LIPC: variants seen among roughly 807,000 people sequenced by gnomAD.
LIPC encodes the protein lipase C, hepatic type.
In LIPC, 44 loss-of-function variants were observed where a neutral mutation model predicts 50.7. The observed-to-expected ratio is 0.87, with a 90% CI of 0.68 to 1.11. The LOEUF (loss-of-function observed/expected upper bound fraction) is 1.11. Among genes scored for constraint, LIPC ranks in the 50% most tolerant of loss-of-function variants. The pLI is 0.00. For missense variants in LIPC, 697 were observed against 648.2 expected (o/e 1.08, Z -0.82); for synonymous variants, 271 against 256.4 (o/e 1.06, Z -0.54).
intron 1 of LIPC, among the ~76,000 whole-genome samples, chr15:58,447,491 A>G (rs1893740688): frequency 6.6e-6 from 1 of 152,204 alleles, no homozygotes; most frequent in African/African-American, 2.4e-5. Flanking sequence ...TTTCTGTGGA[A>G]CCAGAAAACC....
At chr15:58,543,043 C>A (rs1008810527) in intron 4 of LIPC, among the ~76,000 whole-genome samples, 7 of 152,172 alleles carry the variant, frequency 4.6e-5, no homozygotes, top group Non-Finnish European at 1.0e-4. Context: ...ACGTTAGTGC[C>A]TCCGTTTCCA....
At chr15:58,541,650 C>T in intron 2 of LIPC, 135 bp from the exon 3 acceptor site, 1 of 904,074 alleles carries the variant, frequency 1.1e-6, no homozygotes. Flanking sequence ...TTCTCTGGCC[C>T]AAAATGTCAA....
chr15:58,452,670 A>G (rs1288472580), intron 1 of LIPC, among the ~76,000 whole-genome samples: 1 of 142,740 alleles, frequency 7.0e-6, no homozygotes, highest in Non-Finnish European at 1.5e-5. Context: ...TGGGGAGGGG[A>G]TAGGATAGTT....
intron 1 of LIPC, among the ~76,000 whole-genome samples, chr15:58,535,485 A>G (rs1323413862): frequency 6.6e-6 from 1 of 152,210 alleles, no homozygotes; most frequent in African/African-American, 2.4e-5. Flanking sequence ...TCCATCTGAC[A>G]ACTGTTTTCC....
chr15:58,521,897 G>C (rs548142482), intron 1 of LIPC: 1 of 130,052 alleles, frequency 7.7e-6, no homozygotes, highest in Non-Finnish European at 1.7e-5. Flanking sequence ...GACTAGGAAC[G>C]CTCTGTCATC....
intron 1 of LIPC, among the ~76,000 whole-genome samples, chr15:58,472,793 TGTCTTCACAACG>T: frequency 6.6e-6 from 1 of 152,340 alleles, no homozygotes; most frequent in East Asian, 1.9e-4. Flanking sequence ...TATTCCATGT[TGTCTTCACAACG>T]GCCTTATGAG....
intron 1 of LIPC, chr15:58,436,174 C>G (rs1424150648): frequency 6.5e-6 from 1 of 153,280 alleles, no homozygotes; most frequent in African/African-American, 2.4e-5. Context: ...AGTAAGTGTG[C>G]GATGGTTCAG....
intron 1 of LIPC, among the ~76,000 whole-genome samples, chr15:58,480,622 G>C (rs529191467): frequency 1.4e-4 from 22 of 152,184 alleles, no homozygotes; most frequent in Non-Finnish European, 2.6e-4. Context: ...AAACAAGCTT[G>C]TCCAACCTTC....
chr15:58,438,750 T>C (rs1893401422), intron 1 of LIPC, among the ~76,000 whole-genome samples: 1 of 152,230 alleles, frequency 6.6e-6, no homozygotes, highest in African/African-American at 2.4e-5. Context: ...CGCAGTGACA[T>C]CTCAGCTGCT....
At chr15:58,476,746 C>G (rs1393377452) in intron 1 of LIPC, among the ~76,000 whole-genome samples, 4 of 152,228 alleles carry the variant, frequency 2.6e-5, no homozygotes, top group Non-Finnish European at 4.4e-5. Flanking sequence ...TGGCCCGAGT[C>G]TTTTTCCCCA....
rs1240429837 is a variant in LIPC at position 58,559,692 on chromosome 15, G to T, written c.1052-1172G>T. The stretch of plus-strand genomic sequence containing the variant: ...CACCCAAGCCTCAGTGACAGAGAGA[G>T]ACCCTGTCTCAAAAAAAAAAAAAAA... On this transcript the variant is annotated intron_variant, in intron 6 of 8. Transcript: ENST00000299022. Among the ~76,000 whole-genome samples, 4 of 119,256 alleles carry T rather than the reference G, an allele frequency of 3.4e-5. No individual in the cohort carries two copies. The East Asian group carries it at 7.3e-4, about 22-fold the overall frequency. The allele number at this position is 119,256 out of a possible 152,430, so 78.2% of individuals were successfully genotyped here.
intron 1 of LIPC, among the ~76,000 whole-genome samples, chr15:58,497,053 A>G (rs146413928): frequency 1.3e-5 from 2 of 152,340 alleles, no homozygotes; most frequent in African/African-American, 4.8e-5. Flanking sequence ...GCCTTTTACA[A>G]AAGTAACTGG....
intron 1 of LIPC, among the ~76,000 whole-genome samples, chr15:58,528,194 T>C (rs1295481089): frequency 6.6e-6 from 1 of 151,600 alleles, no homozygotes; most frequent in Non-Finnish European, 1.5e-5. Flanking sequence ...TAATGCTTAA[T>C]GCTTTCCTCA....
chr15:58,505,222 G>A (rs1224797570), intron 1 of LIPC, among the ~76,000 whole-genome samples: 3 of 152,228 alleles, frequency 2.0e-5, no homozygotes, highest in Non-Finnish European at 2.9e-5. Context: ...CAGCAGGGCT[G>A]GCAGGAGCAG....
intron 8 of LIPC, chr15:58,566,475 C>A: frequency 2.0e-6 from 2 of 984,388 alleles, no homozygotes; most frequent in Non-Finnish European, 2.4e-6. Flanking sequence ...AGACTAATAA[C>A]AACTACTAAT....
chr15:58,542,941 G>T (rs1425232019), intron 4 of LIPC, among the ~76,000 whole-genome samples: 1 of 152,194 alleles, frequency 6.6e-6, no homozygotes, highest in Non-Finnish European at 1.5e-5. Context: ...GCAAGAAAGA[G>T]TCTTATTTTT....
intron 1 of LIPC, among the ~76,000 whole-genome samples, chr15:58,523,638 G>A (rs1295177634): frequency 6.6e-6 from 1 of 152,190 alleles, no homozygotes; most frequent in African/African-American, 2.4e-5. Flanking sequence ...TATTTTTCAG[G>A]CCAGGCACAG....
chr15:58,520,112 G>GTTTTTTTT (rs10631480), intron 1 of LIPC, among the ~76,000 whole-genome samples: 2 of 123,506 alleles, frequency 1.6e-5, no homozygotes, highest in African/African-American at 3.3e-5. Flanking sequence ...GTTTTGGGCT[G>GTTTTTTTT]TTTTTTTTTT....
At position 58,545,900 on chromosome 15, in the gene LIPC, C is replaced by G; in HGVS notation, c.733C>G (p.Pro245Ala). 1 of 1,614,216 alleles carries G rather than the reference C, an allele frequency of 6.2e-7. No individual in the cohort carries two copies. The highest frequency in any genetic ancestry group is 1.1e-5 in the South Asian group (1 of 91,080). Residue 245 changes from proline (P) to alanine (A), a missense_variant, in exon 5 of 9, where the codon CCC becomes GCC. Coordinates refer to ENST00000299022, the MANE Select transcript of LIPC (RefSeq NM_000236.3). ...KQPIGHYDFYPNGGSFQPGCH... is the reference protein window; with the variant it reads ...KQPIGHYDFYANGGSFQPGCH... ...GCCCATAGGACACTATGACTTCTATCCCAACGGGGGCTCCTTCCAGCCTGG... is the reference window on the plus strand; with the variant it reads ...GCCCATAGGACACTATGACTTCTATGCCAACGGGGGCTCCTTCCAGCCTGG...
Sources: gnomAD v4.1 joint callset for allele counts (sites outside exome capture counted in the v4.1 genomes callset) on GRCh38, gnomAD v4.1.1 for gene constraint, MANE v1.5 for transcripts, NCBI Gene and HGNC (gene_info 2026-07-23, HGNC 2026-07-21) for gene names.